GP6: variants seen among roughly 807,000 people sequenced by gnomAD.
The protein encoded by GP6 is platelet glycoprotein VI.
Under a neutral mutation model 37.3 loss-of-function variants are expected in GP6, and 45 were observed. The observed-to-expected ratio is 1.21, with a 90% CI of 0.95 to 1.55. The LOEUF (loss-of-function observed/expected upper bound fraction) is 1.55, where lower values mean the gene tolerates loss of function less well. GP6 is among the 40% of genes most tolerant of loss of function. GP6 has a pLI of 0.00. For missense variants in GP6, 813 were observed against 760.2 expected, an observed-to-expected ratio of 1.07 and a Z score of -0.82; for synonymous variants, 340 against 316.4, an observed-to-expected ratio of 1.07 and a Z score of -0.79.
At chr19:55,038,180 C>T in intron 1 of GP6, 23 bp downstream of exon 1, 1 of 1,571,162 alleles carries the variant, frequency 6.4e-7, no homozygotes, top group Non-Finnish European at 8.7e-7. Flanking sequence ...CAGCATTTCC[C>T]AGATCTGACC....
chr19:55,014,301 A>G lies in GP6; in HGVS notation c.1644T>C (p.His548=), dbSNP rs763715619. The G allele has an allele frequency of 2.7e-6, 4 of 1,494,470 alleles. No homozygotes were observed. Among genetic ancestry groups the G allele is most frequent in the East Asian group, 4.5e-5 (2 of 44,300 alleles). The allele number at this position is 1,494,470 out of a possible 1,614,324, so 92.6% of individuals were successfully genotyped here. A position where few individuals can be genotyped will look rare whatever the true frequency, so the allele number is the denominator to read the frequency against. ...GTGTTTTTTTGTTTTGTTGGTAGAG[A>G]TGAGGTTTCACCATGTTGCACAGGC... The change falls in exon 8 of 8, where the codon CAT becomes CAC. Residue 548 remains histidine, a synonymous_variant. Transcript: ENST00000310373.
rs187296519 is a variant in GP6 at position 55,035,882 on chromosome 19, G to A, written c.34+2321C>T. Among the ~76,000 whole-genome samples the A allele has an allele frequency of 2.3e-3, 349 of 151,346 alleles. 6 individuals carry two copies. The highest frequency in any genetic ancestry group is 0.021 in the Admixed American group (313 of 15,190). Reference sequence around the variant, plus strand: ...GAGGTCAAGAGATCAAGACCATCCTGCCCAACATGGTGAAACCCCATCTCT... The same window carrying A: ...GAGGTCAAGAGATCAAGACCATCCTACCCAACATGGTGAAACCCCATCTCT... On this transcript the variant is annotated intron_variant, in intron 1 of 7. Coordinates refer to ENST00000310373, the MANE Select transcript of GP6 (RefSeq NM_001083899.2).
intron 5 of GP6, 170 bp from the exon 6 acceptor site, chr19:55,018,881 G>T: frequency 1.5e-6 from 1 of 680,362 alleles, no homozygotes; most frequent in Admixed American, 2.1e-5. Flanking sequence ...TTCCATGACC[G>T]GCTTAGTAAG....
chr19:55,036,962 G>C (rs575702818), intron 1 of GP6, among the ~76,000 whole-genome samples: 1 of 152,184 alleles, frequency 6.6e-6, no homozygotes, highest in Non-Finnish European at 1.5e-5. Context: ...AGTGAGCTGA[G>C]ATCATGCCAT....
At position 55,013,927 on chromosome 19, in the gene GP6, C is replaced by T. The variant is rs2073739367; in HGVS notation, c.*155G>A. ...CGCTATAATAAATATAGAACTTTACCTTGAGAAGACCTAACATTTCCTTCA... is the reference window on the plus strand; with the variant it reads ...CGCTATAATAAATATAGAACTTTACTTTGAGAAGACCTAACATTTCCTTCA... On this transcript the variant is annotated 3_prime_UTR_variant, in exon 8 of 8. Coordinates refer to ENST00000310373, the MANE Select transcript of GP6 (RefSeq NM_001083899.2). 2 of 387,950 alleles carry T rather than the reference C, an allele frequency of 5.2e-6. No homozygotes were observed. Among genetic ancestry groups the T allele is most frequent in the Admixed American group, 3.1e-5 (1 of 32,496 alleles). 24.0% of individuals were successfully genotyped at this position (387,950 alleles called of 1,614,324 possible).
At chr19:55,015,310 C>T (rs1402221671) in intron 7 of GP6, 145 bp from the exon 8 acceptor site, 7 of 1,320,054 alleles carry the variant, frequency 5.3e-6, no homozygotes, top group Non-Finnish European at 5.3e-6. Context: ...CCTCCCTTCC[C>T]GAGTAGGGGT....
chr19:55,034,716 T>TACAC (rs796869786), intron 1 of GP6, among the ~76,000 whole-genome samples: 16,873 of 148,010 alleles, frequency 0.11, 992 homozygotes, highest in Middle Eastern at 0.16. Flanking sequence ...CCCTCATTCT[T>TACAC]ACACACACAC....
chr19:55,018,843 G>C, intron 5 of GP6, 132 bp from the exon 6 acceptor site: 1 of 738,316 alleles, frequency 1.4e-6, no homozygotes, highest in South Asian at 1.4e-5. Context: ...ACTGAAGACA[G>C]ACAAATTCGA....
Position 55,015,741 on chromosome 19 carries a change from C to T in GP6, c.725-8G>A. 2 of 1,501,672 alleles carry T rather than the reference C, an allele frequency of 1.3e-6. No homozygotes were observed. Among genetic ancestry groups the T allele is most frequent in the South Asian group, 1.1e-5 (1 of 88,922 alleles). The allele number at this position is 1,501,672 out of a possible 1,614,324, so 93.0% of individuals were successfully genotyped here. A position where few individuals can be genotyped will look rare whatever the true frequency, so the allele number is the denominator to read the frequency against. ...TGATACTCCTAGAAGTCTCTGGGAA[C>T]CAAACAAAGGCTAAGTGTGAAATGA... On this transcript the variant is annotated splice_region_variant and splice_polypyrimidine_tract_variant and intron_variant, in intron 6 of 7. Coordinates refer to ENST00000310373, the MANE Select transcript of GP6 (RefSeq NM_001083899.2).
intron 5 of GP6, among the ~76,000 whole-genome samples, chr19:55,021,823 C>T (rs1045770508): frequency 6.6e-6 from 1 of 152,150 alleles, no homozygotes; most frequent in Non-Finnish European, 1.5e-5. Context: ...CCCGGCGTTT[C>T]TTGACTTTTT....
chr19:55,024,324 A>ACACG (rs2074211671), intron 5 of GP6, among the ~76,000 whole-genome samples: 1 of 27,316 alleles, frequency 3.7e-5, no homozygotes, highest in Non-Finnish European at 1.1e-4. Context: ...ACGCACACAC[A>ACACG]CATATGCACG....
chr19:55,033,975 C>T (rs1330492082), intron 1 of GP6, among the ~76,000 whole-genome samples: 3 of 152,020 alleles, frequency 2.0e-5, no homozygotes, highest in Admixed American at 2.0e-4. Context: ...GTTCCCAACA[C>T]AGAAAGGATG....
At chr19:55,037,368 G>A (rs886875527) in intron 1 of GP6, among the ~76,000 whole-genome samples, 33 of 142,970 alleles carry the variant, frequency 2.3e-4, no homozygotes, top group African/African-American at 7.9e-4. Flanking sequence ...ACGGAGTTTC[G>A]CTCTTGTTGC....
intron 5 of GP6, among the ~76,000 whole-genome samples, chr19:55,019,212 TCTC>T (rs2073988525): frequency 6.6e-6 from 1 of 151,718 alleles, no homozygotes; most frequent in African/African-American, 2.4e-5. Context: ...TTCAAGCGAT[TCTC>T]CTCCCTCAGC....
rs1442815836 is a variant in GP6 at position 55,032,612 on chromosome 19, A to G, written c.35-74T>C. ...ATTCCTGCCTGCTGGGCGCGGTGAT[A>G]AGACATTTGCATGCATATGCTTTAC... On this transcript the variant is annotated intron_variant, in intron 1 of 7. Coordinates refer to ENST00000310373, the MANE Select transcript of GP6 (RefSeq NM_001083899.2). 8 of 1,477,790 alleles carry G rather than the reference A, an allele frequency of 5.4e-6. No individual in the cohort carries two copies. In the Admixed American group the frequency reaches 1.4e-4, roughly 26 times the overall value. 91.5% of individuals were successfully genotyped at this position (1,477,790 alleles called of 1,614,324 possible).
intron 1 of GP6, among the ~76,000 whole-genome samples, chr19:55,034,440 T>C (rs528811026): frequency 5.0e-4 from 76 of 151,624 alleles, no homozygotes; most frequent in Non-Finnish European, 7.7e-4. Flanking sequence ...CCTGTAATCC[T>C]AGCTACTGGG....
chr19:55,030,813 A>G (rs2074534725), intron 3 of GP6, among the ~76,000 whole-genome samples: 1 of 152,134 alleles, frequency 6.6e-6, no homozygotes, highest in African/African-American at 2.4e-5. Context: ...AATAGCCTGG[A>G]GTTTACTTGA....
chr19:55,032,874 C>T (rs1042566932), intron 1 of GP6: 3 of 406,660 alleles, frequency 7.4e-6, no homozygotes, highest in African/African-American at 2.3e-5. Context: ...TGGGCTCGTT[C>T]GTGTTAGACA....
chr19:55,033,235 TAGACACGGTGGACTCGTTC>T (rs1304561825), intron 1 of GP6, among the ~76,000 whole-genome samples: 66 of 113,458 alleles, frequency 5.8e-4, no homozygotes, highest in Non-Finnish European at 8.2e-4. Flanking sequence ...TCGTTCGTGT[TAGACACGGTGGACTCGTTC>T]GTGTTAGACA....
Sources: gnomAD v4.1 joint callset for allele counts (sites outside exome capture counted in the v4.1 genomes callset) on GRCh38, gnomAD v4.1.1 for gene constraint, MANE v1.5 for transcripts, NCBI Gene and HGNC (gene_info 2026-07-23, HGNC 2026-07-21) for gene names.